NPC1L1: variants seen among roughly 807,000 people sequenced by gnomAD.
The protein encoded by NPC1L1 is NPC1-like intracellular cholesterol transporter 1.
A neutral mutation model predicts 117.0 loss-of-function variants in NPC1L1; 98 were observed. The observed-to-expected ratio is 0.84, with a 90% CI of 0.71 to 0.99. The LOEUF (loss-of-function observed/expected upper bound fraction) is 0.99. Ranked by LOEUF, NPC1L1 falls within the 50% of genes least tolerant of loss-of-function variation. NPC1L1 has a pLI of 0.00. For synonymous variants in NPC1L1, 729 were observed against 727.6 expected (o/e 1.00, Z -0.03); for missense variants, 1,540 against 1,710.0 (o/e 0.90, Z 1.75).
chr7:44,531,630 T>G, intron 10 of NPC1L1, 125 bp downstream of exon 10: 1 of 791,236 alleles, frequency 1.3e-6, no homozygotes, highest in Middle Eastern at 3.6e-4. Flanking sequence ...GCCTCCAGAG[T>G]AATGAACAAT....
intron 10 of NPC1L1, among the ~76,000 whole-genome samples, chr7:44,529,982 C>T (rs936397101): frequency 1.5e-4 from 22 of 150,976 alleles, no homozygotes; most frequent in Admixed American, 1.2e-3. Flanking sequence ...TGCAGTAAGC[C>T]GAGTCTGCAC....
In NPC1L1 at chr7:44,534,639, A is replaced by G. The variant is rs751027920; in HGVS notation, c.1984-10T>C. On this transcript the variant is annotated splice_polypyrimidine_tract_variant and intron_variant, in intron 5 of 18. Coordinates refer to ENST00000381160, the MANE Select transcript of NPC1L1 (RefSeq NM_001101648.2). The surrounding 1 kb of genome is among the most constrained non-coding windows in gnomAD (Gnocchi z 5.2). ...TGGCCTTGGAGTCCACCTGCAATGC[A>G]AACAGGCTCAGCCCCCTAGCCACTT... The G allele has an allele frequency of 6.2e-7, 1 of 1,613,716 alleles. No homozygotes were observed. The highest frequency in any genetic ancestry group is 8.5e-7 in the Non-Finnish European group (1 of 1,179,878).
intron 14 of NPC1L1, 66 bp downstream of exon 14, chr7:44,520,699 G>A: frequency 1.5e-6 from 2 of 1,345,640 alleles, no homozygotes; most frequent in Non-Finnish European, 2.1e-6. Flanking sequence ...GCTGTTCCCT[G>A]GGGTTTTCGG....
chr7:44,538,735 G>T lies in NPC1L1; in HGVS notation c.1580+82C>A. On this transcript the variant is annotated intron_variant, in intron 2 of 18. Transcript: ENST00000381160. The surrounding 1 kb of genome is among the most constrained non-coding windows in gnomAD (Gnocchi z 5.9). ...TCTGGTCCTTCAGGACCAGCTGTAT[G>T]CCCGGCCAGGTTCCCAGGAGGCCAT... 7.2e-7 allele frequency: 1 copy of T among 1,396,816 alleles called. No homozygotes were observed. The highest frequency in any genetic ancestry group is 1.0e-6 in the Non-Finnish European group (1 of 987,984). 86.5% of individuals were successfully genotyped at this position (1,396,816 alleles called of 1,614,324 possible).
chr7:44,521,740 ATT>A lies in NPC1L1; in HGVS notation c.2923_2924del (p.Asn975Ter). The stretch of plus-strand genomic sequence containing the variant: ...CGGTCGAGGGGCAGAACTTGTCCTT[ATT>A]GGGGCCAGATATATAAAGGCGGCAG... ...SCCRLYISGPNKDKFCPSTVN... is the reference protein window; with the variant it reads ...SCCRLYISGPXKDKFCPSTVN... On this transcript the variant is annotated frameshift_variant, in exon 12 of 19. Transcript: ENST00000381160. LOFTEE classifies it high-confidence loss of function. The A allele has an allele frequency of 6.2e-7, 1 of 1,614,064 alleles. No individual in the cohort carries two copies. The highest frequency in any genetic ancestry group is 1.3e-5 in the African/African-American group (1 of 74,998).
chr7:44,528,251 C>A (rs145829635), intron 10 of NPC1L1, among the ~76,000 whole-genome samples: 1 of 152,146 alleles, frequency 6.6e-6, no homozygotes, highest in African/African-American at 2.4e-5. Flanking sequence ...ACTACAGGCA[C>A]GTGCCATCTT....
At chr7:44,531,147 G>A (rs1447830754) in intron 10 of NPC1L1, among the ~76,000 whole-genome samples, 1 of 152,208 alleles carries the variant, frequency 6.6e-6, no homozygotes. Flanking sequence ...ATATCCAGAG[G>A]AGCCGGGTCC....
chr7:44,529,381 CTT>C (rs374200724), intron 10 of NPC1L1, among the ~76,000 whole-genome samples: 13 of 141,738 alleles, frequency 9.2e-5, no homozygotes, highest in African/African-American at 1.3e-4. Context: ...ACAAAATATA[CTT>C]TTTTTTTTTT....
Position 44,536,047 on chromosome 7 carries a change from G to T in NPC1L1, c.1855-79C>A. On this transcript the variant is annotated intron_variant, in intron 4 of 18. Transcript: ENST00000381160. The surrounding 1 kb of genome is among the most constrained non-coding windows in gnomAD (Gnocchi z 4.7). Reference sequence around the variant, plus strand: ...CAGCTCTCAATAGCTCGGTCACTGGGCACTAATTGTGTGTTGTGTCATAGG... The same window carrying T: ...CAGCTCTCAATAGCTCGGTCACTGGTCACTAATTGTGTGTTGTGTCATAGG... 1.2e-6 allele frequency: 2 copies of T among 1,605,990 alleles called. No homozygotes were observed. The highest frequency in any genetic ancestry group is 1.7e-6 in the Non-Finnish European group (2 of 1,175,508).
intron 12 of NPC1L1, among the ~76,000 whole-genome samples, chr7:44,521,397 G>A (rs1801348348): frequency 6.6e-6 from 1 of 152,206 alleles, no homozygotes; most frequent in African/African-American, 2.4e-5. Flanking sequence ...TGGGCGGCAG[G>A]GCCATGTGCT....
chr7:44,512,580 A>C lies in NPC1L1; in HGVS notation c.*867T>G, dbSNP rs1801070194. ...TTAAACACCTATGTGCACAGCACAGAGCCAGGATCTTCATCTCCACTGCAG... is the reference window on the plus strand; with the variant it reads ...TTAAACACCTATGTGCACAGCACAGCGCCAGGATCTTCATCTCCACTGCAG... On this transcript the variant is annotated 3_prime_UTR_variant, in exon 19 of 19. Coordinates refer to ENST00000381160, the MANE Select transcript of NPC1L1 (RefSeq NM_001101648.2). 1 of 152,362 alleles carries C rather than the reference A, an allele frequency of 6.6e-6. No individual in the cohort carries two copies. Among genetic ancestry groups the C allele is most frequent in the African/African-American group, 2.4e-5 (1 of 41,484 alleles). 9.4% of individuals were successfully genotyped at this position (152,362 alleles called of 1,614,324 possible). A position where few individuals can be genotyped will look rare whatever the true frequency, so the allele number is the denominator to read the frequency against.
rs754756996 is a variant in NPC1L1 at position 44,538,772 on chromosome 7, C to G, written c.1580+45G>C. On this transcript the variant is annotated intron_variant, in intron 2 of 18. Coordinates refer to ENST00000381160, the MANE Select transcript of NPC1L1 (RefSeq NM_001101648.2). The surrounding 1 kb of genome is among the most constrained non-coding windows in gnomAD (Gnocchi z 5.9). ...TCCCAGGAGGCCATGGCAGCCCAGC[C>G]CCAGCCCCAGCCCACTCCTCGCTTG... is the stretch of plus-strand genomic sequence containing the variant. 1.2e-6 allele frequency: 2 copies of G among 1,602,210 alleles called. No homozygotes were observed. The highest frequency in any genetic ancestry group is 1.7e-6 in the Non-Finnish European group (2 of 1,170,642).
Position 44,534,531 on chromosome 7 carries a change from G to A in NPC1L1, c.2082C>T (p.Ser694=). 1.2e-6 allele frequency: 2 copies of A among 1,614,206 alleles called. No homozygotes were observed. The highest frequency in any genetic ancestry group is 1.7e-6 in the Non-Finnish European group (2 of 1,180,034). The part of the protein sequence containing the change: ...MGFFSYLGIR[S]SLVILQVVPF... ...GAACCACTTGCAGGATGACCAGGGA[G>A]GAGCGGATACCCAAGTAGGAGAAGA... Residue 694 remains serine, a synonymous_variant, in exon 6 of 19, where the codon TCC becomes TCT. Coordinates refer to ENST00000381160, the MANE Select transcript of NPC1L1 (RefSeq NM_001101648.2). The surrounding 1 kb of genome is among the most constrained non-coding windows in gnomAD (Gnocchi z 5.2).
At chr7:44,525,264 A>T in intron 10 of NPC1L1, among the ~76,000 whole-genome samples, 2 of 148,022 alleles carry the variant, frequency 1.4e-5, no homozygotes, top group South Asian at 2.1e-4. Flanking sequence ...GGATATTATA[A>T]TTTTTTTTTT....
intron 14 of NPC1L1, among the ~76,000 whole-genome samples, chr7:44,519,019 C>T (rs549078457): frequency 1.3e-5 from 2 of 148,696 alleles, no homozygotes; most frequent in African/African-American, 4.9e-5. Context: ...CTCTCTTTCT[C>T]CCTTTCTTTC....
At chr7:44,526,566 T>TAAAAAAAAA (rs1801524248) in intron 10 of NPC1L1, among the ~76,000 whole-genome samples, 1 of 130,874 alleles carries the variant, frequency 7.6e-6, no homozygotes, top group African/African-American at 3.0e-5. Flanking sequence ...AAAAAAAAAC[T>TAAAAAAAAA]AAAAATTAAA....
At position 44,513,242 on chromosome 7, in the gene NPC1L1, T is replaced by C. The variant is rs1239732300; in HGVS notation, c.*205A>G. 3 of 605,552 alleles carry C rather than the reference T, an allele frequency of 5.0e-6. No homozygotes were observed. The highest frequency in any genetic ancestry group is 5.9e-6 in the Non-Finnish European group (2 of 337,934). The allele number at this position is 605,552 out of a possible 1,614,324, so 37.5% of individuals were successfully genotyped here. A position where few individuals can be genotyped will look rare whatever the true frequency, so the allele number is the denominator to read the frequency against. The stretch of plus-strand genomic sequence containing the variant: ...CCCAAGGCCTAGGTGACTTGGAAAC[T>C]GGGGACCCACTATGGGAGCAGAGGA... On this transcript the variant is annotated 3_prime_UTR_variant, in exon 19 of 19. Coordinates refer to ENST00000381160, the MANE Select transcript of NPC1L1 (RefSeq NM_001101648.2).
Position 44,539,477 on chromosome 7 carries a change from A to G in NPC1L1, c.920T>C (p.Val307Ala). 6.2e-7 allele frequency: 1 copy of G among 1,613,980 alleles called. No homozygotes were observed. The highest frequency in any genetic ancestry group is 8.5e-7 in the Non-Finnish European group (1 of 1,179,950). Reference protein sequence around the residue: ...VVTILLVGFRVAPARDKSKMV... With the variant: ...VVTILLVGFRAAPARDKSKMV... ...CTTGCTTTTGTCCCTGGCGGGGGCC[A>G]CACGGAATCCCACAAGCAGGATGGT... Residue 307 changes from valine (V) to alanine (A), a missense_variant, in exon 2 of 19, where the codon GTG (valine) becomes GCG (alanine). This residue lies in a region of NPC1L1 where 793 missense variants were observed against 820.4 expected (regional missense o/e 0.97). Coordinates refer to ENST00000381160, the MANE Select transcript of NPC1L1 (RefSeq NM_001101648.2). The surrounding 1 kb of genome is among the most constrained non-coding windows in gnomAD (Gnocchi z 4.4).
At position 44,522,272 on chromosome 7, in the gene NPC1L1, G is replaced by A. The variant is rs1000418085; in HGVS notation, c.2638-30C>T. The A allele has an allele frequency of 6.3e-6, 10 of 1,596,724 alleles. No individual in the cohort carries two copies. In the East Asian group the frequency reaches 2.2e-4, roughly 36 times the overall value. Reference sequence around the variant, plus strand: ...GAGTGGAGGAGGGTCAGTGAGCTTTGGTTCGCTATGCACACCCCTAAAGGG... The same window carrying A: ...GAGTGGAGGAGGGTCAGTGAGCTTTAGTTCGCTATGCACACCCCTAAAGGG... On this transcript the variant is annotated intron_variant, in intron 10 of 18. Coordinates refer to ENST00000381160, the MANE Select transcript of NPC1L1 (RefSeq NM_001101648.2).
Sources: allele counts gnomAD v4.1 joint callset (sites outside exome capture counted in the v4.1 genomes callset), GRCh38; gene constraint gnomAD v4.1.1; regional missense constraint gnomAD v4.1.1; non-coding constraint Gnocchi (gnomAD v3.1); transcripts MANE v1.5; gene names NCBI Gene and HGNC (gene_info 2026-07-23, HGNC 2026-07-21).